The following EBF1 variants were observed in gnomAD, a reference collection of about 807,000 sequenced individuals.
EBF1 encodes transcription factor COE1.
Under a neutral mutation model 68.4 loss-of-function variants are expected in EBF1, and 10 were observed. That is an observed-to-expected ratio of 0.15 (90% CI 0.09 to 0.25). The LOEUF is 0.25. Ranked by LOEUF, EBF1 falls within the 10% of genes least tolerant of loss-of-function variation. EBF1 has a pLI of 1.00. For missense variants in EBF1, 509 were observed against 794.4 expected, an observed-to-expected ratio of 0.64 and a Z score of 4.32; for synonymous variants, 298 against 299.8, an observed-to-expected ratio of 0.99 and a Z score of 0.06.
intron 6 of EBF1, among the ~76,000 whole-genome samples, chr5:159,072,920 G>T (rs2127943264): frequency 6.6e-6 from 1 of 152,222 alleles, no homozygotes; most frequent in South Asian, 2.1e-4. Flanking sequence ...GAAAATCTTG[G>T]TTCACAGATC....
intron 6 of EBF1, among the ~76,000 whole-genome samples, chr5:158,884,934 T>G (rs906244104): frequency 2.0e-5 from 3 of 152,216 alleles, no homozygotes; most frequent in African/African-American, 7.2e-5. Flanking sequence ...AGGATTCAAA[T>G]GCAGGTGGCC....
At chr5:158,750,407 T>A (rs55768258) in intron 10 of EBF1, among the ~76,000 whole-genome samples, 21,374 of 152,024 alleles carry the variant, frequency 0.14, 1,643 homozygotes, top group Admixed American at 0.17. Flanking sequence ...TTACTATTGA[T>A]TTATGAATTC....
intron 8 of EBF1, among the ~76,000 whole-genome samples, chr5:158,817,192 G>T (rs1170603924): frequency 5.3e-5 from 8 of 152,004 alleles, no homozygotes; most frequent in African/African-American, 1.9e-4. Context: ...TTTTGTTCCT[G>T]GAATTCACCT....
At chr5:158,708,412 G>A (rs913157060) in intron 14 of EBF1, among the ~76,000 whole-genome samples, 1 of 152,154 alleles carries the variant, frequency 6.6e-6, no homozygotes, top group African/African-American at 2.4e-5. Flanking sequence ...TGTGTGCCAG[G>A]CAGTGTGCTA....
intron 6 of EBF1, among the ~76,000 whole-genome samples, chr5:159,065,539 C>T (rs1331926284): frequency 6.6e-6 from 1 of 152,110 alleles, no homozygotes; most frequent in African/African-American, 2.4e-5. Flanking sequence ...AGTGTTCACA[C>T]CCTACAGAAG....
At chr5:158,777,341 A>G (rs571276256) in intron 10 of EBF1, 72 bp downstream of exon 10, 5 of 1,425,888 alleles carry the variant, frequency 3.5e-6, no homozygotes, top group Non-Finnish European at 4.6e-6. Flanking sequence ...ATGCTTTTAT[A>G]CAGACAAGAT....
At chr5:158,937,907 T>G (rs1248843133) in intron 6 of EBF1, among the ~76,000 whole-genome samples, 1 of 152,166 alleles carries the variant, frequency 6.6e-6, no homozygotes, top group Non-Finnish European at 1.5e-5. Context: ...GCTTTCTCAA[T>G]AAACCACTCA....
intron 6 of EBF1, chr5:158,983,707 A>G (rs983134225): frequency 1.1e-4 from 17 of 152,208 alleles, no homozygotes; most frequent in Admixed American, 5.9e-4. Context: ...AAGTGTTTCA[A>G]TTTGGAAAAT....
Position 158,969,924 on chromosome 5 carries a change from A to AAGAAAGAAAGAAAG in EBF1, c.554+103471_554+103472insCTTTCTTTCTTTCT, listed in dbSNP as rs761760536. On this transcript the variant is annotated intron_variant, in intron 6 of 15. Transcript: ENST00000313708. Reference sequence around the variant, plus strand: ...AGAAAGAAAGAAAGAAAGAAAAAAAAAAAAAAGGCTGCTGGAAGTTTTGCA... The same window carrying AAGAAAGAAAGAAAG: ...AGAAAGAAAGAAAGAAAGAAAAAAAAAGAAAGAAAGAAAGAAAAAAGGCTGCTGGAAGTTTTGCA... Among the ~76,000 whole-genome samples, 98 of 115,970 alleles carry AAGAAAGAAAGAAAG rather than the reference A, an allele frequency of 8.5e-4. 3 individuals are homozygous for AAGAAAGAAAGAAAG. The highest frequency in any genetic ancestry group is 4.2e-3 in the Middle Eastern group (1 of 236). 76.1% of individuals were successfully genotyped at this position (115,970 alleles called of 152,430 possible). A position where few individuals can be genotyped will look rare whatever the true frequency, so the allele number is the denominator to read the frequency against.
At chr5:159,095,258 GC>G (rs1782385073) in intron 4 of EBF1, among the ~76,000 whole-genome samples, 2 of 152,034 alleles carry the variant, frequency 1.3e-5, no homozygotes, top group South Asian at 4.2e-4. Flanking sequence ...GGCCTGGCTT[GC>G]TTGGGTTTCA....
At chr5:158,840,662 T>TG (rs1790094692) in intron 6 of EBF1, among the ~76,000 whole-genome samples, 1 of 83,940 alleles carries the variant, frequency 1.2e-5, no homozygotes, top group African/African-American at 4.6e-5. Flanking sequence ...TTTTTTTTTT[T>TG]TTTTTTTTTT....
chr5:158,961,082 C>T (rs993826470), intron 6 of EBF1, among the ~76,000 whole-genome samples: 29 of 152,254 alleles, frequency 1.9e-4, no homozygotes, highest in Admixed American at 1.4e-3. Flanking sequence ...GAAAAATATT[C>T]GAGCTCAGTA....
At chr5:158,743,239 T>A (rs1766817070) in intron 10 of EBF1, among the ~76,000 whole-genome samples, 1 of 152,148 alleles carries the variant, frequency 6.6e-6, no homozygotes, top group Non-Finnish European at 1.5e-5. Flanking sequence ...GAGTTGGGTA[T>A]GGAAAGATAA....
chr5:158,910,313 T>C (rs1300998335), intron 6 of EBF1, among the ~76,000 whole-genome samples: 1 of 152,212 alleles, frequency 6.6e-6, no homozygotes, highest in East Asian at 1.9e-4. Context: ...TAAAATGCCC[T>C]TCTCACAAAA....
At chr5:158,838,311 T>A (rs1048395806) in intron 7 of EBF1, among the ~76,000 whole-genome samples, 1 of 151,496 alleles carries the variant, frequency 6.6e-6, no homozygotes, top group South Asian at 2.1e-4. Context: ...CCGGGCATGG[T>A]GGTGGGTGCC....
intron 10 of EBF1, among the ~76,000 whole-genome samples, chr5:158,734,478 T>A (rs1271706739): frequency 6.6e-6 from 1 of 152,138 alleles, no homozygotes; most frequent in Non-Finnish European, 1.5e-5. Context: ...TGACTATTCA[T>A]AAACTCTCTG....
chr5:158,769,253 T>C (rs1293053680), intron 10 of EBF1, among the ~76,000 whole-genome samples: 1 of 152,194 alleles, frequency 6.6e-6, no homozygotes, highest in East Asian at 1.9e-4. Flanking sequence ...TTTGCTTGGC[T>C]GTAGTCAATA....
At chr5:158,773,825 A>G (rs748378892) in intron 10 of EBF1, among the ~76,000 whole-genome samples, 1 of 152,126 alleles carries the variant, frequency 6.6e-6, no homozygotes, top group Non-Finnish European at 1.5e-5. Context: ...CCACTTAAAG[A>G]TGTAACACCT....
chr5:158,840,245 C>A, intron 6 of EBF1, 135 bp from the exon 7 acceptor site: 1 of 654,148 alleles, frequency 1.5e-6, no homozygotes, highest in Non-Finnish European at 2.6e-6. Context: ...GTGTTAGAGC[C>A]AATATTTCAT....
Sources: allele counts gnomAD v4.1 joint callset (sites outside exome capture counted in the v4.1 genomes callset), GRCh38; gene constraint gnomAD v4.1.1; transcripts MANE v1.5; gene names NCBI Gene and HGNC (gene_info 2026-07-23, HGNC 2026-07-21).